The following STOX2 variants were observed in gnomAD, a reference collection of about 807,000 sequenced individuals.
The protein encoded by STOX2 is storkhead-box protein 2.
STOX2 carries 28 observed loss-of-function variants against 60.9 expected under a neutral mutation model. The ratio of observed to expected loss-of-function variants is 0.46; its 90% CI spans 0.34 to 0.63. STOX2 has a LOEUF of 0.63. Ranked by LOEUF, STOX2 falls within the 30% of genes least tolerant of loss-of-function variation. The probability of loss-of-function intolerance (pLI) is 0.01; values close to 1 mark genes in which losing one functional copy is unlikely to be tolerated. For synonymous variants in STOX2, 472 were observed against 463.9 expected (o/e 1.02, Z -0.22); for missense variants, 1,024 against 1,187.7 (o/e 0.86, Z 2.03).
chr4:184,017,537 A>G lies in STOX2; in HGVS notation c.*253A>G, dbSNP rs1263711831. On this transcript the variant is annotated 3_prime_UTR_variant, in exon 4 of 4. Coordinates refer to ENST00000308497, the MANE Select transcript of STOX2 (RefSeq NM_020225.3). ...TGTATACTTTTGCTTCACTAATTGT[A>G]TCTGAGCACACATAGGAAAGTCTAG... is the stretch of plus-strand genomic sequence containing the variant. 2 of 359,802 alleles carry G rather than the reference A, an allele frequency of 5.6e-6. No homozygotes were observed. The highest frequency in any genetic ancestry group is 1.0e-4 in the East Asian group (2 of 19,074). The allele number at this position is 359,802 out of a possible 1,614,324, so 22.3% of individuals were successfully genotyped here. A position where few individuals can be genotyped will look rare whatever the true frequency, so the allele number is the denominator to read the frequency against.
chr4:183,800,759 A>T (rs1251930833), intron 1 of STOX2, among the ~76,000 whole-genome samples: 2 of 152,202 alleles, frequency 1.3e-5, no homozygotes, highest in African/African-American at 4.8e-5. Context: ...GTTTCAGATG[A>T]TCTCTTAGAT....
chr4:183,883,854 TA>T (rs1167847905), intron 1 of STOX2, among the ~76,000 whole-genome samples: 2 of 104,540 alleles, frequency 1.9e-5, no homozygotes, highest in African/African-American at 3.0e-5. Context: ...TAGTAAATTT[TA>T]TTTTATTTTT....
intron 1 of STOX2, among the ~76,000 whole-genome samples, chr4:183,813,382 C>CAAAAAGA (rs1007978818): frequency 1.3e-5 from 2 of 151,394 alleles, no homozygotes; most frequent in African/African-American, 4.9e-5. Flanking sequence ...GACCCTGTCT[C>CAAAAAGA]AAAAAGAAAA....
intron 3 of STOX2, chr4:184,015,348 G>A (rs1734323315): frequency 6.6e-6 from 1 of 152,178 alleles, no homozygotes; most frequent in Non-Finnish European, 1.5e-5. Flanking sequence ...ACGTCATGTA[G>A]GCAAGTCTCA....
chr4:183,914,437 C>CAAAAAT (rs560992353), intron 1 of STOX2, among the ~76,000 whole-genome samples: 4 of 151,956 alleles, frequency 2.6e-5, no homozygotes, highest in Middle Eastern at 3.4e-3. Flanking sequence ...GACCTTGTCT[C>CAAAAAT]AAAAATAAAA....
intron 1 of STOX2, among the ~76,000 whole-genome samples, chr4:183,930,038 T>C (rs1742371972): frequency 6.6e-6 from 1 of 151,988 alleles, no homozygotes; most frequent in East Asian, 1.9e-4. Context: ...TAATTTTTTG[T>C]ATTTTTAGTA....
intron 1 of STOX2, among the ~76,000 whole-genome samples, chr4:183,962,999 A>G (rs901264513): frequency 1.3e-5 from 2 of 152,218 alleles, no homozygotes; most frequent in Non-Finnish European, 2.9e-5. Flanking sequence ...GGTCTCTGGA[A>G]GGTAGAATAT....
chr4:183,981,124 A>G (rs1732645923), intron 1 of STOX2, among the ~76,000 whole-genome samples: 1 of 152,238 alleles, frequency 6.6e-6, no homozygotes, highest in South Asian at 2.1e-4. Flanking sequence ...TATTTGTCCC[A>G]AGGGATTGGG....
At chr4:183,842,845 T>TG (rs1274339903) in intron 1 of STOX2, among the ~76,000 whole-genome samples, 1 of 151,978 alleles carries the variant, frequency 6.6e-6, no homozygotes, top group African/African-American at 2.4e-5. Context: ...TTTTTTTTTT[T>TG]TTTGAAATAA....
chr4:184,001,212 T>A lies in STOX2; in HGVS notation c.167-113T>A. 1 of 993,228 alleles carries A rather than the reference T, an allele frequency of 1.0e-6. No homozygotes were observed. The highest frequency in any genetic ancestry group is 1.5e-6 in the Non-Finnish European group (1 of 663,038). The allele number at this position is 993,228 out of a possible 1,614,324, so 61.5% of individuals were successfully genotyped here. On this transcript the variant is annotated intron_variant, in intron 1 of 3. Coordinates refer to ENST00000308497, the MANE Select transcript of STOX2 (RefSeq NM_020225.3). This position sits in a 1 kb window ranked among gnomAD's most constrained non-coding sequence, Gnocchi z 4.2. ...TGGAATTGGCAAGCAGCTGCTATGT[T>A]CGGAGCTGACTGTGTTCGTCAGACC...
intron 1 of STOX2, among the ~76,000 whole-genome samples, chr4:183,937,782 G>GA (rs1460324094): frequency 7.9e-5 from 12 of 152,050 alleles, no homozygotes; most frequent in African/African-American, 2.7e-4. Flanking sequence ...TAACTTGACT[G>GA]AAAAAAAATT....
intron 1 of STOX2, among the ~76,000 whole-genome samples, chr4:183,883,754 A>G (rs1007256014): frequency 2.6e-5 from 4 of 152,190 alleles, no homozygotes; most frequent in African/African-American, 9.6e-5. Flanking sequence ...CTTCAGTATC[A>G]CTGATGAAAT....
chr4:183,805,834 T>A (rs751583234), intron 1 of STOX2, among the ~76,000 whole-genome samples: 2 of 152,018 alleles, frequency 1.3e-5, no homozygotes, highest in Non-Finnish European at 2.9e-5. Context: ...AAAGTAAAAA[T>A]AAAAATCACA....
chr4:183,818,021 AT>A (rs1287848745), intron 1 of STOX2, among the ~76,000 whole-genome samples: 1 of 152,096 alleles, frequency 6.6e-6, no homozygotes, highest in African/African-American at 2.4e-5. Flanking sequence ...ATTAAAAAAA[AT>A]TACATGACAA....
At chr4:183,850,610 T>G (rs1455863529) in intron 1 of STOX2, among the ~76,000 whole-genome samples, 3 of 152,046 alleles carry the variant, frequency 2.0e-5, no homozygotes, top group Non-Finnish European at 4.4e-5. Context: ...GTGCCTGTAA[T>G]CCCAGTTACT....
At position 183,953,353 on chromosome 4, in the gene STOX2, A is replaced by C. The variant is rs1407406418; in HGVS notation, c.166+46397A>C. 2.0e-5 allele frequency among the ~76,000 whole-genome samples: 3 copies of C among 152,098 alleles called. No individual in the cohort carries two copies. The East Asian group carries it at 5.8e-4, about 29-fold the overall frequency. On this transcript the variant is annotated intron_variant, in intron 1 of 3. Transcript: ENST00000308497. ...TGAAGGCAAGGGTGGTATTGGGAGC[A>C]TACCTCCTAGCCCCACACCTGGTTG...
intron 1 of STOX2, among the ~76,000 whole-genome samples, chr4:183,926,810 C>T (rs1454118642): frequency 6.6e-5 from 10 of 152,036 alleles, no homozygotes; most frequent in Admixed American, 3.9e-4. Flanking sequence ...TTAGTAGAGA[C>T]GGGGTTTCGC....
intron 1 of STOX2, among the ~76,000 whole-genome samples, chr4:183,822,379 C>G (rs1739322019): frequency 6.6e-6 from 1 of 152,162 alleles, no homozygotes; most frequent in African/African-American, 2.4e-5. Flanking sequence ...AAGCGCATGA[C>G]CTTTATTGTG....
In STOX2 at chr4:184,001,251, C is replaced by A; in HGVS notation, c.167-74C>A. 6.8e-7 allele frequency: 1 copy of A among 1,459,908 alleles called. No homozygotes were observed. The highest frequency in any genetic ancestry group is 9.5e-7 in the Non-Finnish European group (1 of 1,053,770). The allele number at this position is 1,459,908 out of a possible 1,614,324, so 90.4% of individuals were successfully genotyped here. ...GTTCGTCAGACCAGGGCCAGATGGA[C>A]GCGTGAAGGCGTGTGTCTGACAGAT... On this transcript the variant is annotated intron_variant, in intron 1 of 3. Transcript: ENST00000308497. The surrounding 1 kb of genome is among the most constrained non-coding windows in gnomAD (Gnocchi z 4.2).
Sources: allele counts gnomAD v4.1 joint callset (sites outside exome capture counted in the v4.1 genomes callset), GRCh38; gene constraint gnomAD v4.1.1; non-coding constraint Gnocchi (gnomAD v3.1); transcripts MANE v1.5; gene names NCBI Gene and HGNC (gene_info 2026-07-23, HGNC 2026-07-21).